KRT24: variants seen among roughly 807,000 people sequenced by gnomAD.
KRT24 encodes keratin 24.
KRT24 carries 44 observed loss-of-function variants against 51.7 expected under a neutral mutation model. That is an observed-to-expected ratio of 0.85 (90% CI 0.67 to 1.09). The LOEUF (loss-of-function observed/expected upper bound fraction) is 1.09. Ranked by LOEUF, KRT24 falls within the 50% of genes least tolerant of loss-of-function variation. The pLI, the probability that KRT24 is intolerant of heterozygous loss-of-function variation, is 0.00. For synonymous variants in KRT24, 241 were observed against 249.5 expected (o/e 0.97, Z 0.32); for missense variants, 633 against 647.0 (o/e 0.98, Z 0.24).
chr17:40,700,298 A>G lies in KRT24; in HGVS notation c.941T>C (p.Leu314Pro). 6.2e-7 allele frequency: 1 copy of G among 1,614,136 alleles called. No individual in the cohort carries two copies. Among genetic ancestry groups the G allele is most frequent in the Non-Finnish European group, 8.5e-7 (1 of 1,180,018 alleles). The stretch of plus-strand genomic sequence containing the variant: ...CTCGTACTGCGCCCTCATGTCATTC[A>G]GTAATTTGGTCAGGTCGGTCCCTGG... The part of the protein sequence containing the change: ...AAPGTDLTKL[L>P]NDMRAQYEEL... Residue 314 changes from leucine (L) to proline (P), a missense_variant, in exon 4 of 8, where the codon CTG (leucine) becomes CCG (proline). Leu to Pro is a moderately conservative substitution (Grantham distance 98). Coordinates refer to ENST00000264651, the MANE Select transcript of KRT24 (RefSeq NM_019016.3).
chr17:40,703,336 A>G lies in KRT24; in HGVS notation c.358T>C (p.Tyr120His). ...CCTCCCATACCACCACCATAGCTGT[A>G]GAAGCCTCCAGTAGCACCACTGCTG... The part of the protein sequence containing the change: ...RFSSGATGGF[Y>H]SYGGGMGGGV... Residue 120 changes from tyrosine to histidine, a missense_variant, in exon 1 of 8, where the codon TAC (tyrosine) becomes CAC (histidine). Physicochemically the swap from Tyr to His is moderately conservative, Grantham distance 83 (BLOSUM62 2). Transcript: ENST00000264651. 1 of 1,614,082 alleles carries G rather than the reference A, an allele frequency of 6.2e-7. No homozygotes were observed. Among genetic ancestry groups the G allele is most frequent in the Non-Finnish European group, 8.5e-7 (1 of 1,180,000 alleles).
chr17:40,701,287 G>A lies in KRT24; in HGVS notation c.708C>T (p.Asn236=), dbSNP rs116079865. The A allele has an allele frequency of 5.6e-4, 904 of 1,612,876 alleles. 6 individuals are homozygous for A. The African/African-American group carries it at 0.011, about 20-fold the overall frequency. ...AADDFRLKYE[N]ELCLRQSVEA... ...CCACGCTCTGCCGGAGACACAGCTC[G>A]TTCTCATACCTGGAAGGGGCAGCAG... is the stretch of plus-strand genomic sequence containing the variant. The change falls in exon 3 of 8, where the codon AAC becomes AAT. Residue 236 remains asparagine, a synonymous_variant. Transcript: ENST00000264651.
chr17:40,699,886 A>G (rs1338358777), intron 5 of KRT24, 112 bp downstream of exon 5: 2 of 1,298,782 alleles, frequency 1.5e-6, no homozygotes, highest in African/African-American at 1.5e-5. Flanking sequence ...ATCATAATGC[A>G]GTTCTCCTTA....
rs1330534822 is a variant in KRT24, at chr17:40,701,883, A to T, written c.666T>A (p.Asn222Lys). 8 of 504,816 alleles carry T rather than the reference A, an allele frequency of 1.6e-5. No individual in the cohort carries two copies. The highest frequency in any genetic ancestry group is 2.1e-5 in the Non-Finnish European group (8 of 387,858). 31.3% of individuals were successfully genotyped at this position (504,816 alleles called of 1,614,324 possible). Residue 222 changes from asparagine to lysine, a missense_variant, in exon 2 of 8, where the codon AAT (asparagine) becomes AAA (lysine). Coordinates refer to ENST00000264651, the MANE Select transcript of KRT24 (RefSeq NM_019016.3). ...ENAGIILHID[N>K]ARLAADDFRL... ...TGAAGTCATCAGCAGCCAATCTGGC[A>T]TTGTCAATGTGCAAAATGATCCCAG...
Position 40,701,296 on chromosome 17 carries a change from C to A in KRT24, c.699G>T (p.Lys233Asn), listed in dbSNP as rs200494398. The change falls in exon 3 of 8, where the codon AAG becomes AAT. Residue 233 changes from lysine (K) to asparagine (N), a missense_variant and splice_region_variant. By Grantham distance (94) the Lys-to-Asn change is moderately conservative. Coordinates refer to ENST00000264651, the MANE Select transcript of KRT24 (RefSeq NM_019016.3). ...GCCGGAGACACAGCTCGTTCTCATA[C>A]CTGGAAGGGGCAGCAGTAAGGCAAA... ...ARLAADDFRL[K>N]YENELCLRQS... 1 of 1,612,358 alleles carries A rather than the reference C, an allele frequency of 6.2e-7. No homozygotes were observed. The highest frequency in any genetic ancestry group is 8.5e-7 in the Non-Finnish European group (1 of 1,179,338).
chr17:40,701,768 TATATATATA>T (rs1567863112), intron 2 of KRT24, 74 bp downstream of exon 2: 1,274 of 47,270 alleles, frequency 0.027, 80 homozygotes, highest in Admixed American at 0.08. Flanking sequence ...TATATATATA[TATATATATA>T]TATTTATTTA....
intron 1 of KRT24, 72 bp from the exon 2 acceptor site, chr17:40,702,005 G>A (rs1392879139): frequency 2.9e-6 from 2 of 696,464 alleles, no homozygotes; most frequent in Non-Finnish European, 2.4e-6. Flanking sequence ...ACTTGTAAGG[G>A]TAGCTGTTGC....
chr17:40,702,000 T>C (rs1567863316), intron 1 of KRT24, 67 bp from the exon 2 acceptor site: 5 of 745,212 alleles, frequency 6.7e-6, no homozygotes, highest in Admixed American at 2.2e-5. Flanking sequence ...TGCCTACTTG[T>C]AAGGGTAGCT....
At position 40,700,007 on chromosome 17, in the gene KRT24, T is replaced by A; in HGVS notation, c.1134A>T (p.Gln378His). The A allele has an allele frequency of 6.2e-7, 1 of 1,614,164 alleles. No homozygotes were observed. Among genetic ancestry groups the A allele is most frequent in the South Asian group, 1.1e-5 (1 of 91,080 alleles). Reference protein sequence around the residue: ...LQALEIELQSQLAMKSSLEGT... With the variant: ...LQALEIELQSHLAMKSSLEGT... Reference sequence around the variant, plus strand: ...AGCTATTTGCACATACCATGGCCAGTTGGGACTGAAGCTCAATTTCCAGGG... The same window carrying A: ...AGCTATTTGCACATACCATGGCCAGATGGGACTGAAGCTCAATTTCCAGGG... Residue 378 changes from glutamine (Q) to histidine (H), a missense_variant, in exon 5 of 8, where the codon CAA becomes CAT. Transcript: ENST00000264651.
In KRT24 at chr17:40,700,058, T is replaced by C; in HGVS notation, c.1083A>G (p.Ile361Met). 1.2e-6 allele frequency: 2 copies of C among 1,614,208 alleles called. No individual in the cohort carries two copies. The highest frequency in any genetic ancestry group is 1.7e-6 in the Non-Finnish European group (2 of 1,180,024). ...CTTGCAGGGTACGTTTTAGTTCTGT[T>C]ATCTCATTCTTGGCAGAAGTGGCTG... ...AGAATSAKNE[I>M]TELKRTLQAL... is the part of the protein sequence containing the mutation. The change falls in exon 5 of 8, where the codon ATA becomes ATG. Residue 361 changes from isoleucine to methionine, a missense_variant. By Grantham distance (10) the Ile-to-Met change is conservative. Coordinates refer to ENST00000264651, the MANE Select transcript of KRT24 (RefSeq NM_019016.3).
In KRT24 at chr17:40,700,360, G is replaced by C. The variant is rs746661881; in HGVS notation, c.879C>G (p.Ser293Arg). The change falls in exon 4 of 8, where the codon AGC (serine) becomes AGG (arginine). Residue 293 changes from serine to arginine, a missense_variant. Physicochemically the swap from Ser to Arg is moderately radical, Grantham distance 110. Coordinates refer to ENST00000264651, the MANE Select transcript of KRT24 (RefSeq NM_019016.3). ...TTTCTACGGTCACCTCCCCTCCAGA[G>C]CTTCCTTGCATATTCTTCATTTCCT... ...HEEEMKNMQGSSGGEVTVEMN... is the reference protein window; with the variant it reads ...HEEEMKNMQGRSGGEVTVEMN... 6.2e-7 allele frequency: 1 copy of C among 1,613,290 alleles called. No individual in the cohort carries two copies. The highest frequency in any genetic ancestry group is 1.3e-5 in the African/African-American group (1 of 74,816).
chr17:40,698,145 C>T lies in KRT24; in HGVS notation c.*92G>A. 1 of 797,298 alleles carries T rather than the reference C, an allele frequency of 1.3e-6. No individual in the cohort carries two copies. Among genetic ancestry groups the T allele is most frequent in the South Asian group, 1.6e-5 (1 of 62,830 alleles). 49.4% of individuals were successfully genotyped at this position (797,298 alleles called of 1,614,324 possible). A position where few individuals can be genotyped will look rare whatever the true frequency, so the allele number is the denominator to read the frequency against. Reference sequence around the variant, plus strand: ...GACTGAAGCTTTTCCTGAAATTATCCAGAAAGATGCCTAGATTGATGCCAT... The same window carrying T: ...GACTGAAGCTTTTCCTGAAATTATCTAGAAAGATGCCTAGATTGATGCCAT... On this transcript the variant is annotated 3_prime_UTR_variant, in exon 8 of 8. Coordinates refer to ENST00000264651, the MANE Select transcript of KRT24 (RefSeq NM_019016.3).
intron 1 of KRT24, 62 bp downstream of exon 1, chr17:40,703,017 C>T: frequency 2.7e-6 from 4 of 1,491,550 alleles, no homozygotes; most frequent in Non-Finnish European, 2.7e-6. Context: ...CATTATAGTA[C>T]ATGATCTGAA....
chr17:40,699,937 G>T, intron 5 of KRT24, 61 bp downstream of exon 5: 1 of 1,607,200 alleles, frequency 6.2e-7, no homozygotes, highest in Non-Finnish European at 8.5e-7. Context: ...TCTTGGCAAA[G>T]AAAGAAAACT....
At chr17:40,701,542 C>A (rs2037677530) in intron 2 of KRT24, among the ~76,000 whole-genome samples, 1 of 150,840 alleles carries the variant, frequency 6.6e-6, no homozygotes, top group Middle Eastern at 3.4e-3. Flanking sequence ...TTTCTTTTTT[C>A]TTTTTCTTTT....
At position 40,700,125 on chromosome 17, in the gene KRT24, TAA is replaced by T; in HGVS notation, c.1018-4_1018-3del. 1 of 1,614,208 alleles carries T rather than the reference TAA, an allele frequency of 6.2e-7. No individual in the cohort carries two copies. The highest frequency in any genetic ancestry group is 8.5e-7 in the Non-Finnish European group (1 of 1,180,028). On this transcript the variant is annotated splice_region_variant and splice_polypyrimidine_tract_variant and intron_variant, in intron 4 of 7. Coordinates refer to ENST00000264651, the MANE Select transcript of KRT24 (RefSeq NM_019016.3). ...GATTTGTGCTTGTAGTGATGCGCTC[TAA>T]ATACAAACATAATGCAGCTGTTGTA...
intron 1 of KRT24, 28 bp downstream of exon 1, chr17:40,703,051 A>G: frequency 1.3e-6 from 2 of 1,532,792 alleles, no homozygotes; most frequent in Non-Finnish European, 1.7e-6. Flanking sequence ...TCCACAAATA[A>G]TAGAAACTCA....
In KRT24 at chr17:40,701,919, A is replaced by C; in HGVS notation, c.630T>G (p.Thr210=). 1 of 1,546,314 alleles carries C rather than the reference A, an allele frequency of 6.5e-7. No homozygotes were observed. Among genetic ancestry groups the C allele is most frequent in the Non-Finnish European group, 8.8e-7 (1 of 1,137,956 alleles). Residue 210 remains threonine (T), a synonymous_variant, in exon 2 of 8, where the codon ACT becomes ACG. Coordinates refer to ENST00000264651, the MANE Select transcript of KRT24 (RefSeq NM_019016.3). ...EDLRNQIIAA[T]VENAGIILHI... is the part of the protein sequence containing the mutation. Reference sequence around the variant, plus strand: ...GCAAAATGATCCCAGCATTTTCAACAGTGGCAGCAATGATCTAAAAAAGAT... The same window carrying C: ...GCAAAATGATCCCAGCATTTTCAACCGTGGCAGCAATGATCTAAAAAAGAT...
chr17:40,701,425 G>A (rs1367577613), intron 2 of KRT24, 129 bp from the exon 3 acceptor site: 1 of 632,222 alleles, frequency 1.6e-6, no homozygotes, highest in Non-Finnish European at 2.4e-6. Context: ...AGGTTATTAA[G>A]TTTTCTCTTG....
Sources: allele counts gnomAD v4.1 joint callset (sites outside exome capture counted in the v4.1 genomes callset), GRCh38; gene constraint gnomAD v4.1.1; transcripts MANE v1.5; gene names NCBI Gene and HGNC (gene_info 2026-07-23, HGNC 2026-07-21).